The following SCOC variants were observed in gnomAD, a reference collection of about 807,000 sequenced individuals.
The protein encoded by SCOC is short coiled-coil protein.
SCOC carries 7 observed loss-of-function variants against 9.9 expected under a neutral mutation model. That is an observed-to-expected ratio of 0.71 (90% CI 0.40 to 1.33). The LOEUF (loss-of-function observed/expected upper bound fraction) is 1.33. Ranked by LOEUF, SCOC falls within the 40% of genes most tolerant of loss-of-function variation. The pLI, the probability that SCOC is intolerant of heterozygous loss-of-function variation, is 0.01. For missense variants in SCOC, 66 were observed against 89.7 expected, an observed-to-expected ratio of 0.74 and a Z score of 1.07; for synonymous variants, 19 against 28.2, an observed-to-expected ratio of 0.67 and a Z score of 1.03.
rs565176006 is a variant in SCOC at position 140,279,839 on chromosome 4, A to G, written c.-19+22429A>G. ...CAGGCCAGTATTCCAGGGTAGGTGT[A>G]TTGGCTCAGTGGTGTCAGCAACCCA... On this transcript the variant is annotated intron_variant, in intron 1 of 4. Coordinates refer to the SCOC transcript ENST00000394205. 1.1e-4 allele frequency among the ~76,000 whole-genome samples: 17 copies of G among 152,184 alleles called. No homozygotes were observed. The South Asian group carries it at 1.2e-3, about 11-fold the overall frequency.
intron 2 of SCOC, among the ~76,000 whole-genome samples, chr4:140,352,819 A>G (rs1727038679): frequency 6.6e-6 from 1 of 152,214 alleles, no homozygotes; most frequent in African/African-American, 2.4e-5. Flanking sequence ...ATAAGCACAA[A>G]AAAAGGGAGG....
intron 1 of SCOC, among the ~76,000 whole-genome samples, chr4:140,296,060 T>C (rs1378343731): frequency 3.3e-5 from 5 of 151,978 alleles, no homozygotes; most frequent in African/African-American, 1.2e-4. Flanking sequence ...CCCAGGAATC[T>C]GCATTTTTTA....
chr4:140,331,798 C>T (rs1360552851), intron 1 of SCOC, among the ~76,000 whole-genome samples: 1 of 152,158 alleles, frequency 6.6e-6, no homozygotes, highest in African/African-American at 2.4e-5. Flanking sequence ...GCTCACTGAA[C>T]ATTTCCATTT....
At chr4:140,261,866 C>A (rs1008513532) in intron 1 of SCOC, among the ~76,000 whole-genome samples, 8 of 151,922 alleles carry the variant, frequency 5.3e-5, no homozygotes, top group African/African-American at 1.5e-4. Context: ...GAATGTGTGA[C>A]CAGGGCTTGG....
At chr4:140,361,953 C>A (rs1017168236) in intron 2 of SCOC, among the ~76,000 whole-genome samples, 1 of 152,056 alleles carries the variant, frequency 6.6e-6, no homozygotes, top group Non-Finnish European at 1.5e-5. Flanking sequence ...ATTCTGGGCT[C>A]TTTCAATAAC....
At chr4:140,339,613 A>G (rs1210015916), upstream of SCOC, among the ~76,000 whole-genome samples, 3 of 152,224 alleles carry the variant, frequency 2.0e-5, no homozygotes, top group Non-Finnish European at 2.9e-5. Context: ...AGAAAAAAAC[A>G]AACAACCCCA....
chr4:140,358,913 G>C (rs1028289794), intron 2 of SCOC, among the ~76,000 whole-genome samples: 20 of 152,262 alleles, frequency 1.3e-4, no homozygotes, highest in African/African-American at 4.8e-4. Context: ...CTATTCATTT[G>C]GACCAAGAAC....
intron 2 of SCOC, among the ~76,000 whole-genome samples, chr4:140,360,473 G>A (rs1578856842): frequency 1.3e-5 from 2 of 152,166 alleles, no homozygotes; most frequent in African/African-American, 2.4e-5. Context: ...CGTTCTGTAA[G>A]CGTGAAGAGC....
In SCOC at chr4:140,279,080, C is replaced by T. The variant is rs140961377; in HGVS notation, c.-19+21670C>T. ...TGTTCCTCTGCACTTCACCCAGCCT[C>T]ATCTAGTTCCTCACACTTTTCATGC... On this transcript the variant is annotated intron_variant, in intron 1 of 4. Coordinates refer to the SCOC transcript ENST00000394205. Among the ~76,000 whole-genome samples the T allele has an allele frequency of 2.5e-4, 38 of 152,302 alleles. No homozygotes were observed. The East Asian group carries it at 6.9e-3, about 28-fold the overall frequency.
At chr4:140,362,285 T>TTCC (rs1578860703) in intron 2 of SCOC, among the ~76,000 whole-genome samples, 3 of 17,800 alleles carry the variant, frequency 1.7e-4, no homozygotes, top group Non-Finnish European at 2.1e-4. Context: ...TTACTTCTTC[T>TTCC]TCTTCTTCTT....
intron 2 of SCOC, among the ~76,000 whole-genome samples, chr4:140,347,639 C>G (rs72939820): frequency 6.6e-6 from 1 of 152,130 alleles, no homozygotes; most frequent in East Asian, 1.9e-4. Context: ...TCTCACCGCC[C>G]GTTGCTATAT....
intron 3 of SCOC, 36 bp from the exon 4 acceptor site, chr4:140,380,925 GT>G: frequency 7.1e-7 from 1 of 1,408,148 alleles, no homozygotes; most frequent in South Asian, 1.4e-5. Context: ...CATTGTCATT[GT>G]TTTATTGATA....
At chr4:140,334,666 A>G (rs1732909596) in intron 1 of SCOC, among the ~76,000 whole-genome samples, 1 of 152,206 alleles carries the variant, frequency 6.6e-6, no homozygotes, top group Non-Finnish European at 1.5e-5. Flanking sequence ...CTACAGGCAC[A>G]ATTTTATGCA....
intron 1 of SCOC, among the ~76,000 whole-genome samples, chr4:140,313,653 T>C (rs947930841): frequency 3.3e-5 from 5 of 152,130 alleles, no homozygotes; most frequent in Non-Finnish European, 5.9e-5. Context: ...ACCTAAGAGA[T>C]AGAGGTCTCG....
upstream of SCOC, among the ~76,000 whole-genome samples, chr4:140,342,650 ATTTTAATATCT>A (rs1240692368): frequency 1.3e-5 from 2 of 152,234 alleles, no homozygotes; most frequent in African/African-American, 4.8e-5. Context: ...TGTAGTAACA[ATTTTAATATCT>A]GCTTAAAATG....
At chr4:140,376,128 A>G (rs549135495) in intron 1 of SCOC, among the ~76,000 whole-genome samples, 1 of 152,338 alleles carries the variant, frequency 6.6e-6, no homozygotes, top group Non-Finnish European at 1.5e-5. Context: ...ATCTGTTATG[A>G]TGTAGTACTG....
chr4:140,265,089 C>T (rs1396172058), intron 1 of SCOC, among the ~76,000 whole-genome samples: 4 of 152,058 alleles, frequency 2.6e-5, no homozygotes, highest in Non-Finnish European at 2.9e-5. Context: ...TCAGTTAGGG[C>T]ATTGTGTTGA....
At chr4:140,299,988 C>T (rs1578786120) in intron 1 of SCOC, among the ~76,000 whole-genome samples, 3 of 152,238 alleles carry the variant, frequency 2.0e-5, no homozygotes, top group Admixed American at 2.0e-4. Context: ...AAAATCACAT[C>T]ACAGTCTTAT....
At chr4:140,322,096 A>G (rs1315928762) in intron 1 of SCOC, among the ~76,000 whole-genome samples, 1 of 152,178 alleles carries the variant, frequency 6.6e-6, no homozygotes, top group East Asian at 1.9e-4. Flanking sequence ...TGAGAAATAA[A>G]TGTCTGTTTC....
Sources: allele counts gnomAD v4.1 joint callset (sites outside exome capture counted in the v4.1 genomes callset), GRCh38; gene constraint gnomAD v4.1.1; transcripts MANE v1.5; gene names NCBI Gene and HGNC (gene_info 2026-07-23, HGNC 2026-07-21).